The following PDS5B variants were observed in gnomAD, a reference collection of about 807,000 sequenced individuals.
PDS5B encodes the protein PDS5 cohesin associated factor B.
Under a neutral mutation model 184.1 loss-of-function variants are expected in PDS5B, and 51 were observed. The observed-to-expected ratio is 0.28, with a 90% CI of 0.22 to 0.35. The LOEUF is 0.35. PDS5B is among the 10% of genes least tolerant of loss of function. PDS5B has a pLI of 1.00. For missense variants in PDS5B, 1,180 were observed against 1,723.3 expected, an observed-to-expected ratio of 0.68 and a Z score of 5.58; for synonymous variants, 566 against 569.2, an observed-to-expected ratio of 0.99 and a Z score of 0.08.
intron 6 of PDS5B, among the ~76,000 whole-genome samples, chr13:32,665,602 A>AAAAG (rs1157110974): frequency 6.7e-6 from 1 of 150,238 alleles, no homozygotes; most frequent in Admixed American, 6.6e-5. Flanking sequence ...AAAAAAAAAA[A>AAAAG]AAAAAAAAAA....
rs1954927170 is a variant in PDS5B at position 32,775,464 on chromosome 13, G to A, written c.*412G>A. 1 of 344,556 alleles carries A rather than the reference G, an allele frequency of 2.9e-6. No individual in the cohort carries two copies. The highest frequency in any genetic ancestry group is 5.7e-6 in the Non-Finnish European group (1 of 176,838). 21.3% of individuals were successfully genotyped at this position (344,556 alleles called of 1,614,324 possible). A position where few individuals can be genotyped will look rare whatever the true frequency, so the allele number is the denominator to read the frequency against. ...CTTAAGCAGTAATCTGTCAGTGTTTGTATTTGTATTCTCTGCAATTTTACT... is the reference window on the plus strand; with the variant it reads ...CTTAAGCAGTAATCTGTCAGTGTTTATATTTGTATTCTCTGCAATTTTACT... On this transcript the variant is annotated 3_prime_UTR_variant, in exon 35 of 35. Transcript: ENST00000315596.
intron 13 of PDS5B, chr13:32,690,600 G>GA (rs1406201609): frequency 6.6e-6 from 1 of 151,876 alleles, no homozygotes; most frequent in African/African-American, 2.4e-5. Context: ...AAACAAAATA[G>GA]AAAACAAGAA....
intron 7 of PDS5B, among the ~76,000 whole-genome samples, chr13:32,671,707 A>G (rs1235803088): frequency 1.3e-5 from 2 of 152,210 alleles, no homozygotes; most frequent in Non-Finnish European, 2.9e-5. Context: ...AAACAACCCA[A>G]GAAGTAAAAG....
intron 31 of PDS5B, among the ~76,000 whole-genome samples, chr13:32,767,679 A>G (rs9596222): frequency 0.41 from 62,609 of 152,012 alleles, 13,271 homozygotes; most frequent in Non-Finnish European, 0.45. Context: ...AAACTGAGAT[A>G]GGGAGGACCT....
intron 1 of PDS5B, among the ~76,000 whole-genome samples, chr13:32,630,935 C>A (rs561624860): frequency 1.3e-5 from 2 of 151,816 alleles, no homozygotes; most frequent in African/African-American, 4.8e-5. Context: ...CAGGCATGCA[C>A]CACCATGGCC....
At position 32,776,880 on chromosome 13, in the gene PDS5B, A is replaced by G. The variant is rs1004936951; in HGVS notation, c.*1828A>G. ...TTGTGTCTTAATCTCTCCATATTCA[A>G]CTATTCTTCATTTACAACAATAGTG... is the stretch of plus-strand genomic sequence containing the variant. On this transcript the variant is annotated 3_prime_UTR_variant, in exon 35 of 35. Transcript: ENST00000315596. 6.6e-5 allele frequency: 10 copies of G among 152,540 alleles called. No individual in the cohort carries two copies. Among genetic ancestry groups the G allele is most frequent in the African/African-American group, 2.4e-4 (10 of 41,552 alleles). 9.4% of individuals were successfully genotyped at this position (152,540 alleles called of 1,614,324 possible).
chr13:32,677,316 A>G (rs1015105117), intron 9 of PDS5B, among the ~76,000 whole-genome samples: 1 of 151,994 alleles, frequency 6.6e-6, no homozygotes. Context: ...TTTACTGTAT[A>G]TATATTTATT....
chr13:32,588,990 T>C (rs181655523), intron 1 of PDS5B, among the ~76,000 whole-genome samples: 18 of 152,364 alleles, frequency 1.2e-4, no homozygotes, highest in Admixed American at 1.2e-3. Flanking sequence ...TTGGGAAATT[T>C]AGAGACTGCC....
intron 30 of PDS5B, among the ~76,000 whole-genome samples, chr13:32,762,677 C>T (rs60672300): frequency 0.01 from 1,575 of 152,150 alleles, 37 homozygotes; most frequent in African/African-American, 0.036. Context: ...ACTCTTCCCC[C>T]CTCTATATTT....
At chr13:32,598,971 T>C (rs940067092) in intron 1 of PDS5B, among the ~76,000 whole-genome samples, 1 of 151,900 alleles carries the variant, frequency 6.6e-6, no homozygotes, top group Non-Finnish European at 1.5e-5. Flanking sequence ...GGGGTTTCAC[T>C]GTGTTAGCCA....
At chr13:32,764,467 T>G (rs1336876073) in intron 30 of PDS5B, 22 bp from the exon 31 acceptor site, 3 of 1,386,494 alleles carry the variant, frequency 2.2e-6, no homozygotes, top group Non-Finnish European at 3.0e-6. Context: ...GTAATAACAA[T>G]TACAAATGTC....
At chr13:32,587,735 CT>C (rs1263301461) in intron 1 of PDS5B, among the ~76,000 whole-genome samples, 1 of 152,196 alleles carries the variant, frequency 6.6e-6, no homozygotes, top group Non-Finnish European at 1.5e-5. Flanking sequence ...AGGGTTAACC[CT>C]TTTTTATGTC....
intron 1 of PDS5B, among the ~76,000 whole-genome samples, chr13:32,638,970 G>A (rs2058612051): frequency 1.3e-5 from 2 of 152,012 alleles, no homozygotes; most frequent in Non-Finnish European, 2.9e-5. Flanking sequence ...GGCGTGGGGC[G>A]GGGGCGGCGT....
intron 1 of PDS5B, among the ~76,000 whole-genome samples, chr13:32,639,597 G>T (rs546824405): frequency 6.6e-6 from 1 of 152,100 alleles, no homozygotes; most frequent in African/African-American, 2.4e-5. Context: ...GTTTTTTCTC[G>T]TAGGAAAAAC....
chr13:32,746,106 GA>G lies in PDS5B; in HGVS notation c.2736+9del. On this transcript the variant is annotated splice_region_variant and intron_variant, in intron 24 of 34. Transcript: ENST00000315596. The stretch of plus-strand genomic sequence containing the variant: ...TATGTGCATTAGCTATCAACGTAAG[GA>G]AATGGCTGTGTACAACTACTTTTTG... 1 of 1,610,334 alleles carries G rather than the reference GA, an allele frequency of 6.2e-7. No individual in the cohort carries two copies. Among genetic ancestry groups the G allele is most frequent in the Non-Finnish European group, 8.5e-7 (1 of 1,177,750 alleles).
chr13:32,713,109 G>A (rs1400676831), intron 19 of PDS5B, among the ~76,000 whole-genome samples: 2 of 152,156 alleles, frequency 1.3e-5, no homozygotes, highest in African/African-American at 4.8e-5. Flanking sequence ...CCTTGTAAGA[G>A]TTTTAACAAA....
At chr13:32,736,233 T>G (rs1953324428) in intron 21 of PDS5B, among the ~76,000 whole-genome samples, 1 of 152,104 alleles carries the variant, frequency 6.6e-6, no homozygotes, top group South Asian at 2.1e-4. Flanking sequence ...ATTTTCTCCT[T>G]TTGTTTTTCA....
intron 30 of PDS5B, among the ~76,000 whole-genome samples, chr13:32,762,865 A>C (rs1016413541): frequency 1.3e-5 from 2 of 152,122 alleles, no homozygotes; most frequent in African/African-American, 4.8e-5. Context: ...TAAAAATACT[A>C]CTGTCGTGAT....
intron 16 of PDS5B, among the ~76,000 whole-genome samples, chr13:32,700,621 A>G (rs1025756563): frequency 6.6e-6 from 1 of 152,078 alleles, no homozygotes; most frequent in Admixed American, 6.5e-5. Flanking sequence ...TGAGTTTGTC[A>G]TATGGCATTT....
Sources: allele counts gnomAD v4.1 joint callset (sites outside exome capture counted in the v4.1 genomes callset), GRCh38; gene constraint gnomAD v4.1.1; transcripts MANE v1.5; gene names NCBI Gene and HGNC (gene_info 2026-07-23, HGNC 2026-07-21).